Variants in KASH5 observed in about 807,000 individuals in gnomAD.
The protein encoded by KASH5 is protein KASH5.
Under a neutral mutation model 84.2 loss-of-function variants are expected in KASH5, and 72 were observed. That is an observed-to-expected ratio of 0.85 (90% CI 0.71 to 1.04). The LOEUF (loss-of-function observed/expected upper bound fraction) is 1.04, where lower values mean the gene tolerates loss of function less well. KASH5 is among the 50% of genes least tolerant of loss of function. The pLI, the probability that KASH5 is intolerant of heterozygous loss-of-function variation, is 0.00. For synonymous variants in KASH5, 260 were observed against 279.1 expected, an observed-to-expected ratio of 0.93 and a Z score of 0.68; for missense variants, 650 against 701.0, an observed-to-expected ratio of 0.93 and a Z score of 0.82.
intron 11 of KASH5, 102 bp from the exon 12 acceptor site, chr19:49,407,510 C>A: frequency 2.3e-6 from 3 of 1,319,714 alleles, no homozygotes; most frequent in South Asian, 1.3e-5. Context: ...TTCCCTCAAG[C>A]TCACCCTGTC....
chr19:49,407,753 C>T (rs555799003), intron 12 of KASH5, 82 bp downstream of exon 12: 53 of 1,405,472 alleles, frequency 3.8e-5, no homozygotes, highest in Middle Eastern at 3.5e-4. Context: ...CTCTCCTCCT[C>T]GTGCCTCTTT....
intron 9 of KASH5, among the ~76,000 whole-genome samples, chr19:49,405,081 T>C (rs1974481222): frequency 6.6e-6 from 1 of 152,124 alleles, no homozygotes; most frequent in Admixed American, 6.5e-5. Context: ...AAGTAAGACA[T>C]TTCAACCAAA....
At chr19:49,397,954 G>A in intron 6 of KASH5, 28 bp from the exon 7 acceptor site, 1 of 1,610,290 alleles carries the variant, frequency 6.2e-7, no homozygotes, top group Non-Finnish European at 8.5e-7. Flanking sequence ...GCTGTGGACA[G>A]TGACCTGAAC....
Position 49,394,596 on chromosome 19 carries a change from G to T in KASH5, c.148+16G>T. The T allele has an allele frequency of 2.5e-6, 4 of 1,596,438 alleles. No homozygotes were observed. In the South Asian group the frequency reaches 4.4e-5, roughly 18 times the overall value. On this transcript the variant is annotated intron_variant, in intron 3 of 19. Transcript: ENST00000447857. ...CAGAGGACAGGTGGTGGGGGCATGA[G>T]GGGTGCTGGGGACCAGTGCGGGCAG...
chr19:49,395,801 A>T lies in KASH5; in HGVS notation c.368A>T (p.Gln123Leu). The T allele has an allele frequency of 6.4e-7, 1 of 1,565,600 alleles. No individual in the cohort carries two copies. Among genetic ancestry groups the T allele is most frequent in the Non-Finnish European group, 8.7e-7 (1 of 1,155,074 alleles). Reference protein sequence around the residue: ...GLELEEETAFQGALTSRQLPS... With the variant: ...GLELEEETAFLGALTSRQLPS... Reference sequence around the variant, plus strand: ...GAGCTGGAAGAGGAGACCGCCTTCCAGGGAGCCCTGACCTCCCGGCAACTG... The same window carrying T: ...GAGCTGGAAGAGGAGACCGCCTTCCTGGGAGCCCTGACCTCCCGGCAACTG... Residue 123 changes from glutamine (Q) to leucine (L), a missense_variant, in exon 5 of 20, where the codon CAG becomes CTG. Gln to Leu is a moderately radical substitution (Grantham distance 113). Coordinates refer to ENST00000447857, the MANE Select transcript of KASH5 (RefSeq NM_144688.5). The surrounding 1 kb of genome is among the most constrained non-coding windows in gnomAD (Gnocchi z 4.4).
At chr19:49,393,402 T>G (rs901156412) in intron 2 of KASH5, 1 of 152,240 alleles carries the variant, frequency 6.6e-6, no homozygotes, top group African/African-American at 2.4e-5. Context: ...CCAAGAGAAG[T>G]TGAGTCCATT....
rs62623430 is a variant in KASH5, at chr19:49,395,262, G to C, written c.305G>C (p.Arg102Pro). Reference sequence around the variant, plus strand: ...TTGGACACTTTCCTGGTTGTCATGCGTGACTGGATTGCTGCCTGTCAACTA... The same window carrying C: ...TTGGACACTTTCCTGGTTGTCATGCCTGACTGGATTGCTGCCTGTCAACTA... ...VDLDTFLVVM[R>P]DWIAACQLHG... Residue 102 changes from arginine to proline, a missense_variant, in exon 4 of 20, where the codon CGT becomes CCT. By Grantham distance (103) the Arg-to-Pro change is moderately radical. Transcript: ENST00000447857. This position sits in a 1 kb window ranked among gnomAD's most constrained non-coding sequence, Gnocchi z 4.4. The C allele has an allele frequency of 1.9e-6, 3 of 1,613,268 alleles. No homozygotes were observed. Among genetic ancestry groups the C allele is most frequent in the Non-Finnish European group, 2.5e-6 (3 of 1,179,602 alleles).
chr19:49,388,572 A>AT (rs1350557480), intron 1 of KASH5: 2 of 152,068 alleles, frequency 1.3e-5, no homozygotes, highest in African/African-American at 4.8e-5. Flanking sequence ...CGCGCCTATA[A>AT]TCCCAGCTAC....
chr19:49,409,653 A>G, intron 14 of KASH5, 100 bp from the exon 15 acceptor site: 2 of 1,465,372 alleles, frequency 1.4e-6, no homozygotes. Flanking sequence ...TCTATCTCTC[A>G]TCCTATTTTC....
rs777369371 is a variant in KASH5 at position 49,394,460 on chromosome 19, C to T, written c.44-16C>T. 1 of 1,602,614 alleles carries T rather than the reference C, an allele frequency of 6.2e-7. No individual in the cohort carries two copies. The highest frequency in any genetic ancestry group is 1.7e-4 in the Middle Eastern group (1 of 6,046). ...TATTCTTCCCACTGGTGAGCTGAGC[C>T]CTCTTGTCTCCCCAGTGTACCTCCG... On this transcript the variant is annotated splice_polypyrimidine_tract_variant and intron_variant, in intron 2 of 19. Coordinates refer to ENST00000447857, the MANE Select transcript of KASH5 (RefSeq NM_144688.5).
At position 49,394,851 on chromosome 19, in the gene KASH5, G is replaced by A. The variant is rs183338955; in HGVS notation, c.149-255G>A. The A allele has an allele frequency of 6.2e-4, 364 of 587,434 alleles. 2 individuals are homozygous for A. Among genetic ancestry groups the A allele is most frequent in the African/African-American group, 5.6e-3 (302 of 53,722 alleles). 36.4% of individuals were successfully genotyped at this position (587,434 alleles called of 1,614,324 possible). ...GGAGGGAGGCAGCCACCATGGTGGC[G>A]TGGGGCATGGCTGATGCTGTCCCTA... On this transcript the variant is annotated intron_variant, in intron 3 of 19. Transcript: ENST00000447857.
At chr19:49,394,408 G>T (rs1422684551) in intron 2 of KASH5, 68 bp from the exon 3 acceptor site, 2 of 1,244,762 alleles carry the variant, frequency 1.6e-6, no homozygotes, top group East Asian at 4.6e-5. Context: ...GGAGGCTGAG[G>T]ACCTGGGGTC....
chr19:49,397,701 G>C lies in KASH5; in HGVS notation c.451G>C (p.Asp151His). 1 of 1,613,704 alleles carries C rather than the reference G, an allele frequency of 6.2e-7. No individual in the cohort carries two copies. The highest frequency in any genetic ancestry group is 8.5e-7 in the Non-Finnish European group (1 of 1,179,784). ...CAACCTGGAGAGCTTCGGAGGCGAA[G>C]ACCCCAGACCCGAGCTGTACCTATC... ...PANLESFGGEDPRPELQATAD... is the reference protein window; with the variant it reads ...PANLESFGGEHPRPELQATAD... The change falls in exon 6 of 20, where the codon GAC (aspartate) becomes CAC (histidine). Residue 151 changes from aspartate (D) to histidine (H), a missense_variant. Asp to His is a moderately conservative substitution (Grantham distance 81). Transcript: ENST00000447857.
chr19:49,391,138 G>T (rs1973991632), intron 2 of KASH5, among the ~76,000 whole-genome samples: 1 of 152,086 alleles, frequency 6.6e-6, no homozygotes, highest in South Asian at 2.1e-4. Flanking sequence ...TCTCCTGTGG[G>T]GAGGCTGGAC....
At position 49,397,494 on chromosome 19, in the gene KASH5, G is replaced by A. The variant is rs575877661; in HGVS notation, c.401-157G>A. 6.6e-5 allele frequency among the ~76,000 whole-genome samples: 10 copies of A among 152,240 alleles called. No homozygotes were observed. The South Asian group carries it at 2.1e-3, about 32-fold the overall frequency. ...CTCAAGGTAGAAGACAAGCAAGAGG[G>A]CTTTACAGTGGGTATAACTGCAGCC... On this transcript the variant is annotated intron_variant, in intron 5 of 19. Coordinates refer to ENST00000447857, the MANE Select transcript of KASH5 (RefSeq NM_144688.5).
rs564936922 is a variant in KASH5, at chr19:49,411,057, A to G, written c.1269+1182A>G. 1.1e-3 allele frequency among the ~76,000 whole-genome samples: 162 copies of G among 151,662 alleles called. 1 individual carries two copies. The highest frequency in any genetic ancestry group is 3.4e-3 in the Middle Eastern group (1 of 292). On this transcript the variant is annotated intron_variant, in intron 15 of 19. Coordinates refer to ENST00000447857, the MANE Select transcript of KASH5 (RefSeq NM_144688.5). ...TGGACTCAGGTGATCCTCCCATCTC[A>G]GCCTCCCAAGTAGCTGCAACCACAG... is the stretch of plus-strand genomic sequence containing the variant.
At chr19:49,394,142 C>T (rs761193672) in intron 2 of KASH5, among the ~76,000 whole-genome samples, 1 of 152,158 alleles carries the variant, frequency 6.6e-6, no homozygotes, top group African/African-American at 2.4e-5. Context: ...TTGCCCTCCC[C>T]GACCCTGTCC....
intron 9 of KASH5, among the ~76,000 whole-genome samples, chr19:49,400,112 C>T (rs560480669): frequency 2.0e-5 from 3 of 151,120 alleles, no homozygotes; most frequent in Non-Finnish European, 4.4e-5. Flanking sequence ...ACCTGTAGTC[C>T]AGCCACTCAG....
chr19:49,399,907 G>C lies in KASH5; in HGVS notation c.798+400G>C, dbSNP rs187728634. Reference sequence around the variant, plus strand: ...GGATGTGCTCACTAAAAGTTATCTAGCATTGTTTCTATATTAGTATTTTTT... The same window carrying C: ...GGATGTGCTCACTAAAAGTTATCTACCATTGTTTCTATATTAGTATTTTTT... On this transcript the variant is annotated intron_variant, in intron 9 of 19. Transcript: ENST00000447857. The surrounding 1 kb of genome is among the most constrained non-coding windows in gnomAD (Gnocchi z 4.4). The C allele has an allele frequency of 4.8e-6, 1 of 210,048 alleles. No homozygotes were observed. The highest frequency in any genetic ancestry group is 9.7e-6 in the Non-Finnish European group (1 of 103,044). The allele number at this position is 210,048 out of a possible 1,614,324, so 13.0% of individuals were successfully genotyped here.
Sources: gnomAD v4.1 joint callset for allele counts (sites outside exome capture counted in the v4.1 genomes callset) on GRCh38, gnomAD v4.1.1 for gene constraint, Gnocchi (gnomAD v3.1) non-coding constraint, MANE v1.5 for transcripts, NCBI Gene and HGNC (gene_info 2026-07-23, HGNC 2026-07-21) for gene names.